The following ATF3 variants were observed in gnomAD, a reference collection of about 807,000 sequenced individuals.
The protein encoded by ATF3 is cyclic AMP-dependent transcription factor ATF-3.
A neutral mutation model predicts 18.4 loss-of-function variants in ATF3; 10 were observed. The ratio of observed to expected loss-of-function variants is 0.54; its 90% CI spans 0.34 to 0.92. ATF3 has a LOEUF of 0.92. Among genes scored for constraint, ATF3 ranks in the 40% least tolerant of loss-of-function variants. The probability of loss-of-function intolerance (pLI) is 0.02; values close to 1 mark genes in which losing one functional copy is unlikely to be tolerated. For missense variants in ATF3, 183 were observed against 222.3 expected (o/e 0.82, Z 1.12); for synonymous variants, 78 against 87.9 (o/e 0.89, Z 0.63).
At chr1:212,580,668 C>T (rs899537597) in intron 1 of ATF3, among the ~76,000 whole-genome samples, 3 of 152,314 alleles carry the variant, frequency 2.0e-5, no homozygotes, top group Admixed American at 6.5e-5. Flanking sequence ...TGAGGACAAA[C>T]ATTAAAATCC....
intron 1 of ATF3, among the ~76,000 whole-genome samples, chr1:212,602,501 G>A (rs929806673): frequency 2.6e-5 from 4 of 152,114 alleles, no homozygotes; most frequent in South Asian, 4.1e-4. Context: ...CAAGTTTCCC[G>A]TGAGCACTTG....
At chr1:212,595,791 G>C (rs908507965) in intron 1 of ATF3, among the ~76,000 whole-genome samples, 1 of 152,110 alleles carries the variant, frequency 6.6e-6, no homozygotes, top group Non-Finnish European at 1.5e-5. Context: ...TCTGAACAAG[G>C]GGCTCCACAT....
At chr1:212,569,382 A>G (rs1207815836) in intron 1 of ATF3, among the ~76,000 whole-genome samples, 1 of 152,240 alleles carries the variant, frequency 6.6e-6, no homozygotes, top group Non-Finnish European at 1.5e-5. Context: ...CCCCAATAAA[A>G]AAGTTAACCA....
At chr1:212,584,168 C>T (rs1201284697) in intron 1 of ATF3, among the ~76,000 whole-genome samples, 1 of 140,102 alleles carries the variant, frequency 7.1e-6, no homozygotes, top group Non-Finnish European at 1.6e-5. Flanking sequence ...TTTCTTATAC[C>T]AATATGTATT....
In ATF3 at chr1:212,619,733, T is replaced by A. The variant is rs369246248; in HGVS notation, c.*178T>A. The stretch of plus-strand genomic sequence containing the variant: ...AGGCCCTTCCCATTCTGCCCCAGAG[T>A]GGGTCTTGGACCAGGGCAAGTGCAT... On this transcript the variant is annotated 3_prime_UTR_variant, in exon 4 of 4. Coordinates refer to ENST00000341491, the MANE Select transcript of ATF3 (RefSeq NM_001674.4). This position sits in a 1 kb window ranked among gnomAD's most constrained non-coding sequence, Gnocchi z 4.4. The A allele has an allele frequency of 6.2e-6, 5 of 810,588 alleles. No homozygotes were observed. Among genetic ancestry groups the A allele is most frequent in the Non-Finnish European group, 9.4e-6 (5 of 529,584 alleles). 50.2% of individuals were successfully genotyped at this position (810,588 alleles called of 1,614,324 possible). A position where few individuals can be genotyped will look rare whatever the true frequency, so the allele number is the denominator to read the frequency against.
At chr1:212,594,988 C>T (rs1244941160) in intron 1 of ATF3, among the ~76,000 whole-genome samples, 5 of 152,280 alleles carry the variant, frequency 3.3e-5, no homozygotes, top group African/African-American at 9.6e-5. Flanking sequence ...ACAACAAAAA[C>T]TGAGGATAAT....
At chr1:212,588,115 C>G (rs1017611725) in intron 1 of ATF3, among the ~76,000 whole-genome samples, 4 of 152,106 alleles carry the variant, frequency 2.6e-5, no homozygotes, top group African/African-American at 9.7e-5. Context: ...TCTTCTACCC[C>G]TGCAGCCAGG....
chr1:212,597,303 GAC>G (rs1654312533), intron 1 of ATF3, among the ~76,000 whole-genome samples: 1 of 152,116 alleles, frequency 6.6e-6, no homozygotes, highest in Non-Finnish European at 1.5e-5. Context: ...ATCGACTGTA[GAC>G]ACAGCGCTTA....
At chr1:212,614,602 A>AAAG (rs1655028189) in intron 1 of ATF3, among the ~76,000 whole-genome samples, 1 of 147,226 alleles carries the variant, frequency 6.8e-6, no homozygotes, top group South Asian at 2.2e-4. Flanking sequence ...AAAAAAAAAA[A>AAAG]AGAGAGAGAG....
intron 1 of ATF3, among the ~76,000 whole-genome samples, chr1:212,579,153 G>C (rs781662785): frequency 6.6e-6 from 1 of 151,500 alleles, no homozygotes; most frequent in Non-Finnish European, 1.5e-5. Flanking sequence ...CTGGGATTAC[G>C]GGCATGCACC....
At chr1:212,582,921 G>A (rs772064194) in intron 1 of ATF3, among the ~76,000 whole-genome samples, 32 of 151,710 alleles carry the variant, frequency 2.1e-4, no homozygotes, top group Admixed American at 9.9e-4. Flanking sequence ...TTGCCGAGTC[G>A]CAGAGCCAGT....
chr1:212,601,044 C>A (rs1035445693), intron 1 of ATF3, among the ~76,000 whole-genome samples: 2 of 152,070 alleles, frequency 1.3e-5, no homozygotes, highest in Non-Finnish European at 2.9e-5. Context: ...GAGCAGTGTC[C>A]GGTAATAGGA....
chr1:212,612,821 T>C (rs7516737), intron 1 of ATF3, among the ~76,000 whole-genome samples: 38,205 of 151,996 alleles, frequency 0.25, 6,392 homozygotes, highest in African/African-American at 0.45. Flanking sequence ...GAGATCAAAG[T>C]GGGTGACCAG....
At chr1:212,597,157 T>C (rs1461625227) in intron 1 of ATF3, among the ~76,000 whole-genome samples, 2 of 152,184 alleles carry the variant, frequency 1.3e-5, no homozygotes, top group African/African-American at 4.8e-5. Context: ...AGAGACAATA[T>C]GGGGCCTCCT....
At chr1:212,610,945 C>T (rs1347976949) in intron 1 of ATF3, among the ~76,000 whole-genome samples, 1 of 152,188 alleles carries the variant, frequency 6.6e-6, no homozygotes, top group Non-Finnish European at 1.5e-5. Context: ...CCAATGTACT[C>T]ATTATGAAAT....
chr1:212,596,988 C>A (rs772625233), intron 1 of ATF3, among the ~76,000 whole-genome samples: 2 of 152,222 alleles, frequency 1.3e-5, no homozygotes, highest in African/African-American at 4.8e-5. Context: ...ACAGTAGGCA[C>A]TCAATACATA....
chr1:212,620,561 G>GCC lies in ATF3; in HGVS notation c.*1008_*1009dup, dbSNP rs1160653299. The GCC allele has an allele frequency of 1.3e-5, 2 of 152,544 alleles. No homozygotes were observed. Among genetic ancestry groups the GCC allele is most frequent in the Non-Finnish European group, 2.9e-5 (2 of 68,030 alleles). 9.4% of individuals were successfully genotyped at this position (152,544 alleles called of 1,614,324 possible). A position where few individuals can be genotyped will look rare whatever the true frequency, so the allele number is the denominator to read the frequency against. On this transcript the variant is annotated 3_prime_UTR_variant, in exon 4 of 4. Coordinates refer to ENST00000341491, the MANE Select transcript of ATF3 (RefSeq NM_001674.4). Reference sequence around the variant, plus strand: ...TCATGTAGCTGTTTTAAGAAATCTGGCCCAGGGTGTTTGCAGCTGTGAGAA... The same window carrying GCC: ...TCATGTAGCTGTTTTAAGAAATCTGGCCCCCAGGGTGTTTGCAGCTGTGAGAA...
upstream of ATF3, among the ~76,000 whole-genome samples, chr1:212,608,342 G>A (rs913047840): frequency 3.5e-5 from 5 of 144,906 alleles, no homozygotes; most frequent in Admixed American, 1.4e-4. Context: ...CGCCCCCCCC[G>A]CTCTTCAACC....
At chr1:212,585,916 C>T (rs1346902768) in intron 1 of ATF3, among the ~76,000 whole-genome samples, 1 of 152,050 alleles carries the variant, frequency 6.6e-6, no homozygotes, top group Non-Finnish European at 1.5e-5. Flanking sequence ...GTGAGGTTCC[C>T]CGGGCCTTTA....
Sources: gnomAD v4.1 joint callset for allele counts (sites outside exome capture counted in the v4.1 genomes callset) on GRCh38, gnomAD v4.1.1 for gene constraint, Gnocchi (gnomAD v3.1) non-coding constraint, MANE v1.5 for transcripts, NCBI Gene and HGNC (gene_info 2026-07-23, HGNC 2026-07-21) for gene names.